GCNT2: variants seen among roughly 807,000 people sequenced by gnomAD.
GCNT2 encodes the protein N-acetyllactosaminide beta-1,6-N-acetylglucosaminyl-transferase.
In GCNT2, 34 loss-of-function variants were observed where a neutral mutation model predicts 34.2. The observed-to-expected ratio is 1.00, with a 90% CI of 0.76 to 1.32. The LOEUF (loss-of-function observed/expected upper bound fraction) is 1.32, where lower values mean the gene tolerates loss of function less well. Ranked by LOEUF, GCNT2 falls within the 40% of genes most tolerant of loss-of-function variation. GCNT2 has a pLI of 0.00. For synonymous variants in GCNT2, 212 were observed against 188.0 expected (o/e 1.13, Z -1.04); for missense variants, 584 against 489.4 (o/e 1.19, Z -1.82).
intron 3 of GCNT2, among the ~76,000 whole-genome samples, chr6:10,545,686 T>C (rs1236985691): frequency 1.3e-5 from 2 of 152,208 alleles, no homozygotes; most frequent in Middle Eastern, 3.2e-3. Flanking sequence ...AAGCTGTTTT[T>C]AGCTGCTTTC....
chr6:10,598,892 T>A (rs1171330293), intron 3 of GCNT2, among the ~76,000 whole-genome samples: 2 of 152,174 alleles, frequency 1.3e-5, no homozygotes, highest in East Asian at 1.9e-4. Flanking sequence ...ATACTAACAT[T>A]ACCTACCACT....
chr6:10,530,732 C>T (rs1473291052), intron 3 of GCNT2, among the ~76,000 whole-genome samples: 2 of 151,538 alleles, frequency 1.3e-5, no homozygotes, highest in Non-Finnish European at 2.9e-5. Context: ...TTAAAACAAA[C>T]AAACAAACAA....
intron 3 of GCNT2, among the ~76,000 whole-genome samples, chr6:10,531,925 T>G (rs968413298): frequency 2.0e-5 from 3 of 150,272 alleles, no homozygotes; most frequent in African/African-American, 7.4e-5. Flanking sequence ...AAAAGGATAA[T>G]TGATTTGGAA....
At chr6:10,531,817 A>G (rs951501851) in intron 3 of GCNT2, among the ~76,000 whole-genome samples, 1 of 150,966 alleles carries the variant, frequency 6.6e-6, no homozygotes, top group Non-Finnish European at 1.5e-5. Flanking sequence ...ATACGGGGAG[A>G]CATTGACACA....
chr6:10,617,743 A>ATT (rs1254996839), intron 3 of GCNT2, among the ~76,000 whole-genome samples: 5 of 112,806 alleles, frequency 4.4e-5, no homozygotes, highest in Non-Finnish European at 7.9e-5. Context: ...CAGAGTCTGC[A>ATT]TTTCTTCTTT....
At chr6:10,610,264 C>T (rs1258604044) in intron 3 of GCNT2, among the ~76,000 whole-genome samples, 1 of 152,140 alleles carries the variant, frequency 6.6e-6, no homozygotes, top group Non-Finnish European at 1.5e-5. Context: ...ATAACTAGTG[C>T]ATTAGGTTAA....
At chr6:10,558,403 A>T (rs1762820592) in intron 3 of GCNT2, among the ~76,000 whole-genome samples, 1 of 152,182 alleles carries the variant, frequency 6.6e-6, no homozygotes, top group East Asian at 1.9e-4. Flanking sequence ...GTACCATATT[A>T]TATGTGTAGG....
At chr6:10,601,915 T>C (rs1468102010) in intron 3 of GCNT2, among the ~76,000 whole-genome samples, 19 of 138,254 alleles carry the variant, frequency 1.4e-4, no homozygotes, top group African/African-American at 5.4e-4. Flanking sequence ...CACTCCAGCC[T>C]GGGCAACAGA....
chr6:10,573,690 G>T (rs148231093), intron 3 of GCNT2, among the ~76,000 whole-genome samples: 1 of 152,178 alleles, frequency 6.6e-6, no homozygotes, highest in African/African-American at 2.4e-5. Flanking sequence ...GAAAAGCAGT[G>T]GTCTTCACCA....
At chr6:10,585,851 A>C (rs1044447428) in intron 3 of GCNT2, 1 of 1,507,468 alleles carries the variant, frequency 6.6e-7, no homozygotes, top group Non-Finnish European at 8.8e-7. Flanking sequence ...AGGAGGATTA[A>C]AGGATTCAGG....
intron 3 of GCNT2, among the ~76,000 whole-genome samples, chr6:10,593,641 G>A (rs1764735744): frequency 6.6e-6 from 1 of 152,086 alleles, no homozygotes; most frequent in Non-Finnish European, 1.5e-5. Flanking sequence ...CTAGACAGTT[G>A]TCTTTGTTTT....
At chr6:10,591,928 A>G (rs3798703) in intron 3 of GCNT2, among the ~76,000 whole-genome samples, 92,386 of 152,072 alleles carry the variant, frequency 0.61, 28,057 homozygotes, top group Middle Eastern at 0.67. Context: ...GGTGTGGCTG[A>G]ATCAGTCCCA....
At chr6:10,535,524 C>T (rs1485994256) in intron 3 of GCNT2, among the ~76,000 whole-genome samples, 1 of 152,206 alleles carries the variant, frequency 6.6e-6, no homozygotes, top group Admixed American at 6.5e-5. Context: ...CTCCCACTTT[C>T]CTCCTGAGTT....
chr6:10,626,931 A>G lies in GCNT2; in HGVS notation c.*324A>G, dbSNP rs1766283986. 3.3e-6 allele frequency: 1 copy of G among 305,340 alleles called. No homozygotes were observed. The highest frequency in any genetic ancestry group is 6.3e-6 in the Non-Finnish European group (1 of 159,772). The allele number at this position is 305,340 out of a possible 1,614,324, so 18.9% of individuals were successfully genotyped here. ...TGCACCAGATACTCATCATATACAAATGTTTTAGTAAAAAAGAGAATTGTA... is the reference window on the plus strand; with the variant it reads ...TGCACCAGATACTCATCATATACAAGTGTTTTAGTAAAAAAGAGAATTGTA... On this transcript the variant is annotated 3_prime_UTR_variant, in exon 5 of 5. Coordinates refer to ENST00000495262, the MANE Select transcript of GCNT2 (RefSeq NM_145649.5).
At chr6:10,589,796 G>A (rs1041368449) in intron 3 of GCNT2, among the ~76,000 whole-genome samples, 1 of 152,104 alleles carries the variant, frequency 6.6e-6, no homozygotes, top group African/African-American at 2.4e-5. Context: ...TGGACTTTAA[G>A]TTCACTACAG....
intron 3 of GCNT2, among the ~76,000 whole-genome samples, chr6:10,546,423 C>T (rs1247786412): frequency 2.6e-5 from 4 of 152,120 alleles, no homozygotes; most frequent in Non-Finnish European, 5.9e-5. Flanking sequence ...CTTTGGGAAG[C>T]CGAGGTGGGC....
In GCNT2 at chr6:10,586,862, AG is replaced by A. The variant is rs778119063; in HGVS notation, c.926-34488del. The stretch of plus-strand genomic sequence containing the variant: ...CCATTGATCTACTACAATGGTCAAA[AG>A]ATACCTATAGTCCTGATGAGCATTT... On this transcript the variant is annotated intron_variant, in intron 3 of 4. Transcript: ENST00000495262. The A allele has an allele frequency of 9.3e-6, 15 of 1,614,028 alleles. No individual in the cohort carries two copies. The East Asian group carries it at 3.1e-4, about 34-fold the overall frequency.
rs1051639475 is a variant in GCNT2, at chr6:10,578,228, TAAA to T, written c.926-43120_926-43118del. ...CAACGTAGTGAAACCCCGTGTCTAA[TAAA>T]AACACAAAAATTAGCTGGACACATC... is the stretch of plus-strand genomic sequence containing the variant. On this transcript the variant is annotated intron_variant, in intron 3 of 4. Transcript: ENST00000495262. Among the ~76,000 whole-genome samples the T allele has an allele frequency of 2.6e-5, 4 of 151,456 alleles. No homozygotes were observed. The South Asian group carries it at 6.3e-4, about 24-fold the overall frequency.
chr6:10,572,721 G>A (rs1041550747), intron 3 of GCNT2, among the ~76,000 whole-genome samples: 1 of 151,868 alleles, frequency 6.6e-6, no homozygotes, highest in Non-Finnish European at 1.5e-5. Flanking sequence ...ATGACAGAGC[G>A]AGACTCCGTC....
Sources: gnomAD v4.1 joint callset for allele counts (sites outside exome capture counted in the v4.1 genomes callset) on GRCh38, gnomAD v4.1.1 for gene constraint, MANE v1.5 for transcripts, NCBI Gene and HGNC (gene_info 2026-07-23, HGNC 2026-07-21) for gene names.